The following NTRK2 variants were observed in gnomAD, a reference collection of about 807,000 sequenced individuals.
NTRK2 encodes the protein BDNF/NT-3 growth factors receptor.
A neutral mutation model predicts 94.5 loss-of-function variants in NTRK2; 13 were observed. The ratio of observed to expected loss-of-function variants is 0.14; its 90% CI spans 0.09 to 0.22. The LOEUF (loss-of-function observed/expected upper bound fraction) is 0.22. NTRK2 is among the 10% of genes least tolerant of loss of function. The probability of loss-of-function intolerance (pLI) is 1.00; values close to 1 mark genes in which losing one functional copy is unlikely to be tolerated. For synonymous variants in NTRK2, 372 were observed against 407.4 expected (o/e 0.91, Z 1.05); for missense variants, 639 against 1,071.2 (o/e 0.60, Z 5.63).
At chr9:84,687,650 TGG>T (rs1178883423) in intron 2 of NTRK2, among the ~76,000 whole-genome samples, 1 of 152,246 alleles carries the variant, frequency 6.6e-6, no homozygotes, top group African/African-American at 2.4e-5. Flanking sequence ...TCTTTTCCCA[TGG>T]GTAGCTCAAA....
At chr9:84,995,642 G>T (rs552215598) in intron 17 of NTRK2, among the ~76,000 whole-genome samples, 4 of 152,260 alleles carry the variant, frequency 2.6e-5, no homozygotes, top group African/African-American at 7.2e-5. Context: ...CTGAGAATTG[G>T]ACATCAGAAT....
intron 7 of NTRK2, 134 bp from the exon 8 acceptor site, chr9:84,724,090 G>A (rs1170037618): frequency 2.2e-6 from 2 of 918,338 alleles, no homozygotes; most frequent in African/African-American, 1.7e-5. Context: ...CTTCGCCTGA[G>A]CCCAGTTCAG....
In NTRK2 at chr9:84,954,347, C is replaced by G. The variant is rs1229310722; in HGVS notation, c.1938-936C>G. Among the ~76,000 whole-genome samples the G allele has an allele frequency of 2.6e-5, 4 of 152,320 alleles. No homozygotes were observed. In the East Asian group the frequency reaches 5.8e-4, roughly 22 times the overall value. ...AGCCTGCCGCGCTGAGGGCGGCATC[C>G]TAAGACGCGGATCCTCCCACCCTTG... On this transcript the variant is annotated intron_variant, in intron 16 of 18. Transcript: ENST00000277120.
chr9:84,722,447 G>T (rs148620471), intron 6 of NTRK2, among the ~76,000 whole-genome samples: 1 of 152,128 alleles, frequency 6.6e-6, no homozygotes, highest in Non-Finnish European at 1.5e-5. Flanking sequence ...GTCAGATATT[G>T]CCAGGTGGGT....
intron 12 of NTRK2, among the ~76,000 whole-genome samples, chr9:84,807,768 A>T (rs1278111321): frequency 6.6e-6 from 1 of 152,224 alleles, no homozygotes; most frequent in African/African-American, 2.4e-5. Context: ...GGCAAAAGTT[A>T]TGAGATCCTG....
At chr9:84,959,978 T>C (rs1435019729) in intron 17 of NTRK2, among the ~76,000 whole-genome samples, 1 of 152,248 alleles carries the variant, frequency 6.6e-6, no homozygotes, top group Non-Finnish European at 1.5e-5. Context: ...TCCTAGCTGT[T>C]AAATCTTGTT....
chr9:84,804,184 T>C (rs530050777), intron 12 of NTRK2, among the ~76,000 whole-genome samples: 203 of 152,336 alleles, frequency 1.3e-3, no homozygotes, highest in African/African-American at 4.5e-3. Context: ...CTTCCTGTTT[T>C]GGAGGCTTAT....
At chr9:85,006,596 C>G (rs1196973624) in intron 17 of NTRK2, among the ~76,000 whole-genome samples, 11 of 152,152 alleles carry the variant, frequency 7.2e-5, no homozygotes. Context: ...ACAGGAGGAG[C>G]AAAAGAAAGA....
intron 17 of NTRK2, among the ~76,000 whole-genome samples, chr9:85,015,833 G>C (rs1832159915): frequency 6.6e-6 from 1 of 152,174 alleles, no homozygotes; most frequent in Admixed American, 6.5e-5. Context: ...ACTTGGCCCT[G>C]GGTAGGAAGC....
upstream of NTRK2, chr9:84,668,628 T>C (rs1287856346): frequency 6.6e-6 from 1 of 152,258 alleles, no homozygotes; most frequent in Admixed American, 6.5e-5. Context: ...TTACGGTTTG[T>C]CACCCGACCC....
chr9:84,692,320 G>A (rs913720817), intron 2 of NTRK2, among the ~76,000 whole-genome samples: 1 of 152,222 alleles, frequency 6.6e-6, no homozygotes, highest in African/African-American at 2.4e-5. Flanking sequence ...CTATGTCTGT[G>A]CAAGTATTAG....
At chr9:85,021,178 T>C (rs2117989866) in intron 18 of NTRK2, 74 bp from the exon 19 acceptor site, 1 of 1,375,432 alleles carries the variant, frequency 7.3e-7, no homozygotes, top group Non-Finnish European at 1.0e-6. Context: ...TCTTCTGCTG[T>C]TTTTTTGCAC....
intron 17 of NTRK2, among the ~76,000 whole-genome samples, chr9:84,990,576 T>C (rs200567233): frequency 6.6e-6 from 1 of 152,306 alleles, no homozygotes; most frequent in East Asian, 1.9e-4. Context: ...ATTTGCCCAT[T>C]CCTTTGAGTG....
chr9:84,783,623 G>A (rs2067829256), intron 12 of NTRK2, among the ~76,000 whole-genome samples: 1 of 152,192 alleles, frequency 6.6e-6, no homozygotes, highest in Non-Finnish European at 1.5e-5. Context: ...ATTGAAGGAG[G>A]CTTTGGGATT....
chr9:84,876,910 G>A, intron 14 of NTRK2: 2 of 1,061,518 alleles, frequency 1.9e-6, no homozygotes, highest in Non-Finnish European at 2.3e-6. Context: ...TTACATGTGA[G>A]ATTTTTGATT....
At chr9:84,732,817 C>T (rs1485732808) in intron 9 of NTRK2, among the ~76,000 whole-genome samples, 1 of 152,212 alleles carries the variant, frequency 6.6e-6, no homozygotes. Context: ...TGCCGACTTT[C>T]TTTCCTGGAT....
intron 15 of NTRK2, among the ~76,000 whole-genome samples, chr9:84,934,904 A>C (rs946591740): frequency 6.6e-6 from 1 of 152,218 alleles, no homozygotes; most frequent in African/African-American, 2.4e-5. Context: ...CATCATAGTC[A>C]CGTCCTCATA....
intron 14 of NTRK2, among the ~76,000 whole-genome samples, chr9:84,886,156 A>G (rs544548939): frequency 6.6e-6 from 1 of 152,360 alleles, no homozygotes; most frequent in Non-Finnish European, 1.5e-5. Flanking sequence ...ATGTGTGACC[A>G]GTATAAATAT....
chr9:85,021,115 TCTTC>T, intron 18 of NTRK2, 133 bp from the exon 19 acceptor site: 1 of 745,928 alleles, frequency 1.3e-6, no homozygotes, highest in Non-Finnish European at 2.3e-6. Flanking sequence ...ATAATTGCTC[TCTTC>T]CTTCTGAGAA....
Sources: allele counts gnomAD v4.1 joint callset (sites outside exome capture counted in the v4.1 genomes callset), GRCh38; gene constraint gnomAD v4.1.1; transcripts MANE v1.5; gene names NCBI Gene and HGNC (gene_info 2026-07-23, HGNC 2026-07-21).